COL5A1: variants seen among roughly 807,000 people sequenced by gnomAD.
The protein encoded by COL5A1 is collagen alpha-1(V) chain.
In COL5A1, 16 loss-of-function variants were observed where a neutral mutation model predicts 263.7. That is an observed-to-expected ratio of 0.06 (90% confidence interval 0.04 to 0.09). The LOEUF is 0.09. Among genes scored for constraint, COL5A1 ranks in the 10% least tolerant of loss-of-function variants. COL5A1 has a pLI of 1.00. For missense variants in COL5A1, 2,036 were observed against 2,540.5 expected (o/e 0.80, Z 4.27); for synonymous variants, 1,012 against 1,004.5 (o/e 1.01, Z -0.14).
At chr9:134,706,151 C>T (rs1833831791) in intron 4 of COL5A1, among the ~76,000 whole-genome samples, 1 of 152,186 alleles carries the variant, frequency 6.6e-6, no homozygotes, top group South Asian at 2.1e-4. Flanking sequence ...GGCGAGTATG[C>T]CGGAGCTGCC....
chr9:134,760,193 A>G (rs1588515126), intron 18 of COL5A1, among the ~76,000 whole-genome samples: 2 of 96,442 alleles, frequency 2.1e-5, no homozygotes, highest in Non-Finnish European at 2.0e-5. Flanking sequence ...ACACCCCCAC[A>G]CCCCCACACT....
At chr9:134,698,395 C>T (rs1434765701) in intron 2 of COL5A1, among the ~76,000 whole-genome samples, 1 of 152,258 alleles carries the variant, frequency 6.6e-6, no homozygotes, top group African/African-American at 2.4e-5. Context: ...GATGAGCCTG[C>T]TGCTGTGGCA....
At position 134,652,825 on chromosome 9, in the gene COL5A1, A is replaced by T; in HGVS notation, c.109+10529A>T. On this transcript the variant is annotated intron_variant, in intron 1 of 65. Coordinates refer to ENST00000371817, the MANE Select transcript of COL5A1 (RefSeq NM_000093.5). The surrounding 1 kb of genome is among the most constrained non-coding windows in gnomAD (Gnocchi z 4.4). ...TTCCCAAACTTTACCAGGCCCCAGAATCCCCCCGAGGCCTCTCTTAAGGCA... is the reference window on the plus strand; with the variant it reads ...TTCCCAAACTTTACCAGGCCCCAGATTCCCCCCGAGGCCTCTCTTAAGGCA... The T allele has an allele frequency of 4.5e-6, 2 of 443,558 alleles. No homozygotes were observed. The highest frequency in any genetic ancestry group is 6.7e-4 in the Middle Eastern group (2 of 2,970). 27.5% of individuals were successfully genotyped at this position (443,558 alleles called of 1,614,324 possible). A position where few individuals can be genotyped will look rare whatever the true frequency, so the allele number is the denominator to read the frequency against.
chr9:134,704,563 TG>T (rs1833777865), intron 4 of COL5A1, among the ~76,000 whole-genome samples: 1 of 152,174 alleles, frequency 6.6e-6, no homozygotes, highest in Non-Finnish European at 1.5e-5. Context: ...CCGAATTCTG[TG>T]TTCCTGGTGA....
chr9:134,798,781 C>T (rs981317967), intron 37 of COL5A1, among the ~76,000 whole-genome samples: 7 of 152,242 alleles, frequency 4.6e-5, no homozygotes, highest in East Asian at 1.9e-4. Flanking sequence ...TATCCTGGGC[C>T]GACTGAAGCC....
At chr9:134,778,553 C>G (rs1467477986) in intron 27 of COL5A1, among the ~76,000 whole-genome samples, 1 of 152,248 alleles carries the variant, frequency 6.6e-6, no homozygotes, top group Non-Finnish European at 1.5e-5. Flanking sequence ...TGGGCCAGTG[C>G]TGTTTCTGAG....
At chr9:134,828,132 G>A (rs1256038216) in intron 63 of COL5A1, among the ~76,000 whole-genome samples, 1 of 152,204 alleles carries the variant, frequency 6.6e-6, no homozygotes, top group Non-Finnish European at 1.5e-5. Flanking sequence ...TGCAGCAAGT[G>A]CACCCTCAGG....
At chr9:134,815,476 G>C (rs1030278717) in intron 50 of COL5A1, 100 bp from the exon 51 acceptor site, 5 of 1,180,066 alleles carry the variant, frequency 4.2e-6, no homozygotes, top group Non-Finnish European at 6.2e-6. Context: ...GGAGCTGGAC[G>C]GTGGCAGGTG....
In COL5A1 at chr9:134,825,897, C is replaced by A. The variant is rs150083065; in HGVS notation, c.5060C>A (p.Ser1687Tyr). The A allele has an allele frequency of 3.0e-5, 49 of 1,610,776 alleles. No homozygotes were observed. The African/African-American group carries it at 6.3e-4, about 21-fold the overall frequency. Residue 1687 changes from serine (S) to tyrosine (Y), a missense_variant, in exon 63 of 66, where the codon TCC (serine) becomes TAC (tyrosine). Physicochemically the swap from Ser to Tyr is moderately radical, Grantham distance 144. Around this residue, in one of 3 missense-constraint regions of COL5A1, gnomAD observed 358 missense variants for 384.6 expected, o/e 0.93. Transcript: ENST00000371817. Reference sequence around the variant, plus strand: ...ACATGCGTCTTCCCTGACAAGAAGTCCGAAGGGGTGAGTAGCTGTGTCCCT... The same window carrying A: ...ACATGCGTCTTCCCTGACAAGAAGTACGAAGGGGTGAGTAGCTGTGTCCCT... ...GSTCVFPDKKSEGARITSWPK... is the reference protein window; with the variant it reads ...GSTCVFPDKKYEGARITSWPK...
At position 134,731,666 on chromosome 9, in the gene COL5A1, G is replaced by GA. The variant is rs886063674; in HGVS notation, c.1332+4dup. 6.2e-7 allele frequency: 1 copy of GA among 1,611,164 alleles called. No homozygotes were observed. Among genetic ancestry groups the GA allele is most frequent in the Non-Finnish European group, 8.5e-7 (1 of 1,178,450 alleles). ...ACCAGGATACCATCTATGAAGGGGT[G>GA]AGAGGGTGCAGGCCCCCGTTCCGGG... On this transcript the variant is annotated splice_donor_region_variant and intron_variant, in intron 8 of 65. Transcript: ENST00000371817.
Position 134,728,848 on chromosome 9 carries a change from G to A in COL5A1, c.924+41G>A, listed in dbSNP as rs374402126. The A allele has an allele frequency of 2.8e-5, 45 of 1,613,168 alleles. No homozygotes were observed. The Admixed American group carries it at 5.5e-4, about 20-fold the overall frequency. On this transcript the variant is annotated intron_variant, in intron 6 of 65. Transcript: ENST00000371817. ...GGGACTGGGTTGGGCTGGGCCCCTC[G>A]AGGCCATGGTGCAGGGGAGGGCGAG... is the stretch of plus-strand genomic sequence containing the variant.
At position 134,702,896 on chromosome 9, in the gene COL5A1, G is replaced by A. The variant is rs77419976; in HGVS notation, c.654+1563G>A. The stretch of plus-strand genomic sequence containing the variant: ...ATGAGCTGTGGCAAAGGTTCCATGA[G>A]GTTGAATGCAGTGACACAGCAGCGC... On this transcript the variant is annotated intron_variant, in intron 4 of 65. Transcript: ENST00000371817. Among the ~76,000 whole-genome samples the A allele has an allele frequency of 9.0e-3, 1,371 of 152,356 alleles. 26 individuals carry two copies. The highest frequency in any genetic ancestry group is 0.032 in the African/African-American group (1,313 of 41,584).
chr9:134,821,243 CCT>C lies in COL5A1; in HGVS notation c.4555-853_4555-852del, dbSNP rs1362357550. On this transcript the variant is annotated intron_variant, in intron 58 of 65. Coordinates refer to ENST00000371817, the MANE Select transcript of COL5A1 (RefSeq NM_000093.5). The surrounding 1 kb of genome is among the most constrained non-coding windows in gnomAD (Gnocchi z 4.2). ...GCGGGGAAAGCACCCCTGTGTCCAC[CCT>C]GTTTGCTCACCTGCCCTCACCCCAA... Among the ~76,000 whole-genome samples, 1 of 152,012 alleles carries C rather than the reference CCT, an allele frequency of 6.6e-6. No homozygotes were observed. The highest frequency in any genetic ancestry group is 1.5e-5 in the Non-Finnish European group (1 of 67,998).
chr9:134,787,088 A>G (rs1475114524), intron 31 of COL5A1, among the ~76,000 whole-genome samples: 2 of 152,226 alleles, frequency 1.3e-5, no homozygotes, highest in African/African-American at 4.8e-5. Context: ...CGTGGGTGTG[A>G]TGTAGCTGCT....
rs564450538 is a variant in COL5A1, at chr9:134,843,239, TTTTA to T, written c.*940_*943del. On this transcript the variant is annotated 3_prime_UTR_variant, in exon 66 of 66. Transcript: ENST00000371817. Reference sequence around the variant, plus strand: ...AGACTAAAACACAGGTTTGGATTAATTTTATTTGCTTCCTTTTTCCGCTTTTCTT... The same window carrying T: ...AGACTAAAACACAGGTTTGGATTAATTTTGCTTCCTTTTTCCGCTTTTCTT... The T allele has an allele frequency of 2.9e-3, 436 of 152,540 alleles. 4 individuals carry two copies. Among genetic ancestry groups the T allele is most frequent in the Non-Finnish European group, 3.8e-3 (258 of 68,014 alleles). The allele number at this position is 152,540 out of a possible 1,614,324, so 9.4% of individuals were successfully genotyped here.
intron 1 of COL5A1, among the ~76,000 whole-genome samples, chr9:134,668,395 C>CT (rs1564375688): frequency 5.3e-5 from 8 of 152,146 alleles, no homozygotes; most frequent in African/African-American, 1.9e-4. Context: ...AATGTGCAAA[C>CT]GCCTGATCAC....
At chr9:134,750,468 G>A (rs756519441) in intron 11 of COL5A1, 74 bp from the exon 12 acceptor site, 66 of 1,376,540 alleles carry the variant, frequency 4.8e-5, no homozygotes, top group Middle Eastern at 1.8e-4. Flanking sequence ...CTTCTCCGAC[G>A]CCCTCATTCT....
At chr9:134,712,274 TCTTCTTCCTGTTCCCCTCCTTCCCC>T (rs1487328420) in intron 4 of COL5A1, among the ~76,000 whole-genome samples, 1 of 24,994 alleles carries the variant, frequency 4.0e-5, no homozygotes, top group Non-Finnish European at 7.3e-5. Context: ...TTCCTGACTC[TCTTCTTCCTGTTCCCCTCCTTCCCC>T]CTTCTTCCTG....
intron 65 of COL5A1, among the ~76,000 whole-genome samples, chr9:134,835,889 TGTGCCCGCGTGTCCTGGA>T (rs1318231913): frequency 2.0e-5 from 3 of 152,306 alleles, no homozygotes; most frequent in African/African-American, 7.2e-5. Flanking sequence ...AGGTCTGGGA[TGTGCCCGCGTGTCCTGGA>T]GGTGTTTAGG....
Sources: allele counts gnomAD v4.1 joint callset (sites outside exome capture counted in the v4.1 genomes callset), GRCh38; gene constraint gnomAD v4.1.1; regional missense constraint gnomAD v4.1.1; non-coding constraint Gnocchi (gnomAD v3.1); transcripts MANE v1.5; gene names NCBI Gene and HGNC (gene_info 2026-07-23, HGNC 2026-07-21).